The following COL5A2 variants were observed in gnomAD, a reference collection of about 807,000 sequenced individuals.
COL5A2 encodes collagen type V alpha 2 chain.
A neutral mutation model predicts 208.2 loss-of-function variants in COL5A2; 23 were observed. The observed-to-expected ratio is 0.11, with a 90% confidence interval of 0.08 to 0.16. COL5A2 has a LOEUF of 0.16. COL5A2 is among the 10% of genes least tolerant of loss of function. The pLI is 1.00. For missense variants in COL5A2, 1,590 were observed against 1,956.4 expected, an observed-to-expected ratio of 0.81 and a Z score of 3.53; for synonymous variants, 625 against 628.5, an observed-to-expected ratio of 0.99 and a Z score of 0.08.
At chr2:189,327,498 G>A in the COL5A2 span, among the ~76,000 whole-genome samples, 1 of 152,098 alleles carries the variant, frequency 6.6e-6, no homozygotes, top group Non-Finnish European at 1.5e-5. Flanking sequence ...GAAAACTTAG[G>A]TAACTGAAGA....
the COL5A2 span, among the ~76,000 whole-genome samples, chr2:189,231,252 T>C: frequency 1.3e-5 from 2 of 151,780 alleles, no homozygotes; most frequent in Non-Finnish European, 1.5e-5. Context: ...AAAGCTATTG[T>C]ATAACAATGT....
intron 1 of COL5A2, among the ~76,000 whole-genome samples, chr2:189,141,407 C>G (rs897891459): frequency 6.6e-6 from 1 of 151,952 alleles, no homozygotes; most frequent in African/African-American, 2.4e-5. Flanking sequence ...TTCACAGGGG[C>G]GAAATGATTT....
the COL5A2 span, among the ~76,000 whole-genome samples, chr2:189,296,580 T>C: frequency 6.6e-6 from 1 of 152,230 alleles, no homozygotes; most frequent in Non-Finnish European, 1.5e-5. Context: ...AGAGTGTTAG[T>C]TTTGTTTCAG....
chr2:189,147,302 G>A (rs1326823926), intron 1 of COL5A2, among the ~76,000 whole-genome samples: 1 of 152,094 alleles, frequency 6.6e-6, no homozygotes, highest in African/African-American at 2.4e-5. Flanking sequence ...TGAACAGTAA[G>A]CCAAGACATA....
In COL5A2 at chr2:189,141,552, G is replaced by A. The variant is rs575349335; in HGVS notation, c.98-31103C>T. Among the ~76,000 whole-genome samples, 24 of 152,056 alleles carry A rather than the reference G, an allele frequency of 1.6e-4. No homozygotes were observed. In the East Asian group the frequency reaches 4.1e-3, roughly 26 times the overall value. ...ACTGGGATAATTTATTTATGGCTCC[G>A]GTTAAAGATTTCCTCTTACCAAAAA... On this transcript the variant is annotated intron_variant, in intron 1 of 53. Transcript: ENST00000374866.
In COL5A2 at chr2:189,052,317, G is replaced by A. The variant is rs1275140815; in HGVS notation, c.2716-92C>T. The A allele has an allele frequency of 5.1e-6, 6 of 1,174,344 alleles. No individual in the cohort carries two copies. The East Asian group carries it at 1.4e-4, about 28-fold the overall frequency. The allele number at this position is 1,174,344 out of a possible 1,614,324, so 72.7% of individuals were successfully genotyped here. On this transcript the variant is annotated intron_variant, in intron 40 of 53. Coordinates refer to ENST00000374866, the MANE Select transcript of COL5A2 (RefSeq NM_000393.5). ...GATTTTTTTTCACAGGAAGACTGAA[G>A]CCTTTAGATTTCCTTTCATGTTGTA...
the COL5A2 span, among the ~76,000 whole-genome samples, chr2:189,332,967 T>C: frequency 3.8e-3 from 576 of 152,208 alleles, 3 homozygotes; most frequent in South Asian, 0.015. Context: ...CAAAAACTCA[T>C]GGATCAAAAG....
At chr2:189,256,892 T>G in the COL5A2 span, among the ~76,000 whole-genome samples, 1 of 152,204 alleles carries the variant, frequency 6.6e-6, no homozygotes, top group Non-Finnish European at 1.5e-5. Context: ...CCTCCCAAAG[T>G]GTTGGGATTA....
the COL5A2 span, among the ~76,000 whole-genome samples, chr2:189,317,566 T>A: frequency 3.9e-5 from 6 of 152,306 alleles, no homozygotes; most frequent in South Asian, 1.2e-3. Flanking sequence ...TTTAAAAGAA[T>A]ATATGAGATT....
the COL5A2 span, among the ~76,000 whole-genome samples, chr2:189,272,917 A>C: frequency 1.2e-4 from 18 of 152,134 alleles, no homozygotes; most frequent in Non-Finnish European, 2.4e-4. Flanking sequence ...AATTTTGTGA[A>C]ATGATTATAA....
At chr2:189,291,128 T>C in the COL5A2 span, among the ~76,000 whole-genome samples, 4 of 152,160 alleles carry the variant, frequency 2.6e-5, no homozygotes, top group Admixed American at 6.5e-5. Context: ...AGGAAAGTCA[T>C]AGTGACTTTT....
chr2:189,334,257 C>T, the COL5A2 span, among the ~76,000 whole-genome samples: 1 of 151,102 alleles, frequency 6.6e-6, no homozygotes, highest in East Asian at 1.9e-4. Flanking sequence ...CTAGCCAGTA[C>T]AAAAAATCAA....
At chr2:189,134,299 A>G (rs753459945) in intron 1 of COL5A2, among the ~76,000 whole-genome samples, 8 of 152,168 alleles carry the variant, frequency 5.3e-5, no homozygotes, top group Non-Finnish European at 1.2e-4. Context: ...TTTAAAGTAC[A>G]TCATTATCAG....
Position 189,053,931 on chromosome 2 carries a change from T to C in COL5A2, c.2463A>G (p.Arg821=). 3 of 1,613,956 alleles carry C rather than the reference T, an allele frequency of 1.9e-6. No individual in the cohort carries two copies. Among genetic ancestry groups the C allele is most frequent in the Non-Finnish European group, 2.5e-6 (3 of 1,179,956 alleles). ...GGGAGCCAGGAGGGCCAACTAAACC[T>C]CGAGGACCAGGTTCACCCTAGAAAG... ...PTGEKGEPGP[R]GLVGPPGSRG... is the part of the protein sequence containing the mutation. Residue 821 remains arginine (R), a synonymous_variant, in exon 37 of 54, where the codon CGA becomes CGG. Transcript: ENST00000374866.
At chr2:189,431,336 G>A in the COL5A2 span, among the ~76,000 whole-genome samples, 1 of 152,178 alleles carries the variant, frequency 6.6e-6, no homozygotes, top group Non-Finnish European at 1.5e-5. Flanking sequence ...GCTGGACAGA[G>A]AAAGACTTTG....
chr2:189,139,336 T>G (rs1275691798), intron 1 of COL5A2, among the ~76,000 whole-genome samples: 1 of 152,146 alleles, frequency 6.6e-6, no homozygotes, highest in African/African-American at 2.4e-5. Flanking sequence ...TTCATGTTGA[T>G]AGTTGAGAAT....
At chr2:189,150,018 T>C (rs1364152144) in intron 1 of COL5A2, among the ~76,000 whole-genome samples, 1 of 152,214 alleles carries the variant, frequency 6.6e-6, no homozygotes, top group Non-Finnish European at 1.5e-5. Flanking sequence ...TTAAAATCTC[T>C]CTGTGAAGTG....
the COL5A2 span, among the ~76,000 whole-genome samples, chr2:189,385,118 T>C: frequency 1.3e-5 from 2 of 152,264 alleles, no homozygotes; most frequent in East Asian, 3.9e-4. Context: ...GTTCACAGAT[T>C]TCTTATATTG....
chr2:189,311,800 T>G, the COL5A2 span: 1 of 984,178 alleles, frequency 1.0e-6, no homozygotes, highest in Non-Finnish European at 1.6e-6. Flanking sequence ...GACCTGGATG[T>G]CTGAAATGAT....
Sources: allele counts gnomAD v4.1 joint callset (sites outside exome capture counted in the v4.1 genomes callset), GRCh38; gene constraint gnomAD v4.1.1; transcripts MANE v1.5; gene names NCBI Gene and HGNC (gene_info 2026-07-23, HGNC 2026-07-21).